Variants in DYTN observed in about 807,000 individuals in gnomAD.
The protein encoded by DYTN is dystrotelin.
DYTN carries 75 observed loss-of-function variants against 69.6 expected under a neutral mutation model. The observed-to-expected ratio is 1.08, with a 90% CI of 0.89 to 1.31. The LOEUF (loss-of-function observed/expected upper bound fraction) is 1.31. Ranked by LOEUF, DYTN falls within the 50% of genes most tolerant of loss-of-function variation. The probability of loss-of-function intolerance (pLI) is 0.00; values close to 1 mark genes in which losing one functional copy is unlikely to be tolerated. For missense variants in DYTN, 726 were observed against 688.4 expected, an observed-to-expected ratio of 1.05 and a Z score of -0.61; for synonymous variants, 252 against 249.1, an observed-to-expected ratio of 1.01 and a Z score of -0.11.
Position 206,715,123 on chromosome 2 carries a change from G to A in DYTN, c.19+3138C>T, listed in dbSNP as rs1357874621. On this transcript the variant is annotated intron_variant, in intron 1 of 11. Coordinates refer to ENST00000452335, the MANE Select transcript of DYTN (RefSeq NM_001093730.1). ...GAGCTGCTCACTGTGGCTGGAATGGGAGGTCAGGAATGAGGTAGAAACAGG... is the reference window on the plus strand; with the variant it reads ...GAGCTGCTCACTGTGGCTGGAATGGAAGGTCAGGAATGAGGTAGAAACAGG... Among the ~76,000 whole-genome samples the A allele has an allele frequency of 3.9e-5, 6 of 152,280 alleles. No homozygotes were observed. The East Asian group carries it at 9.6e-4, about 24-fold the overall frequency.
At chr2:206,672,615 C>T (rs1699641619) in intron 9 of DYTN, among the ~76,000 whole-genome samples, 1 of 152,188 alleles carries the variant, frequency 6.6e-6, no homozygotes, top group African/African-American at 2.4e-5. Context: ...GGCCACTTGT[C>T]ACTGGATGGT....
chr2:206,707,228 A>C lies in DYTN; in HGVS notation c.296+74T>G, dbSNP rs1037696928. 10 of 1,525,268 alleles carry C rather than the reference A, an allele frequency of 6.6e-6. No individual in the cohort carries two copies. The Admixed American group carries it at 1.6e-4, about 24-fold the overall frequency. 94.5% of individuals were successfully genotyped at this position (1,525,268 alleles called of 1,614,324 possible). On this transcript the variant is annotated intron_variant, in intron 3 of 11. Transcript: ENST00000452335. ...ACCAAACCTCAAGCAAATATTAGCC[A>C]GCACCAAATGGTAAATGACCACTGG... is the stretch of plus-strand genomic sequence containing the variant.
chr2:206,687,528 C>T lies in DYTN; in HGVS notation c.980+5647G>A, dbSNP rs16838568. On this transcript the variant is annotated intron_variant, in intron 9 of 11. Coordinates refer to ENST00000452335, the MANE Select transcript of DYTN (RefSeq NM_001093730.1). Reference sequence around the variant, plus strand: ...TTGTTTATACTATCATTTACCATAACAAAATGTTTAAAATTACATGCTATC... The same window carrying T: ...TTGTTTATACTATCATTTACCATAATAAAATGTTTAAAATTACATGCTATC... 5.3e-5 allele frequency among the ~76,000 whole-genome samples: 8 copies of T among 152,176 alleles called. No homozygotes were observed. The East Asian group carries it at 1.5e-3, about 29-fold the overall frequency.
At chr2:206,713,315 T>C (rs1367471992) in intron 1 of DYTN, among the ~76,000 whole-genome samples, 1 of 152,222 alleles carries the variant, frequency 6.6e-6, no homozygotes, top group Non-Finnish European at 1.5e-5. Flanking sequence ...ATAGTCACCA[T>C]GCTGTACAGT....
At chr2:206,689,975 T>G (rs1172936185) in intron 9 of DYTN, among the ~76,000 whole-genome samples, 1 of 152,196 alleles carries the variant, frequency 6.6e-6, no homozygotes, top group Non-Finnish European at 1.5e-5. Flanking sequence ...CAATGGACAT[T>G]CCTCCCCTCA....
At chr2:206,662,171 C>G (rs1699519166) in intron 11 of DYTN, among the ~76,000 whole-genome samples, 1 of 152,108 alleles carries the variant, frequency 6.6e-6, no homozygotes, top group African/African-American at 2.4e-5. Flanking sequence ...GATGATTTTG[C>G]CCAATTATAG....
chr2:206,693,903 G>C (rs1398217736), intron 8 of DYTN, among the ~76,000 whole-genome samples: 1 of 152,204 alleles, frequency 6.6e-6, no homozygotes, highest in Non-Finnish European at 1.5e-5. Context: ...TTAGCACTAG[G>C]AAGGTAGATC....
chr2:206,670,833 C>T (rs1699622564), intron 9 of DYTN, among the ~76,000 whole-genome samples: 1 of 152,040 alleles, frequency 6.6e-6, no homozygotes, highest in African/African-American at 2.4e-5. Context: ...AAGTTGCTAC[C>T]CTGAATGTCT....
intron 5 of DYTN, among the ~76,000 whole-genome samples, chr2:206,700,595 T>C (rs1273801506): frequency 7.4e-6 from 1 of 135,958 alleles, no homozygotes; most frequent in African/African-American, 2.5e-5. Flanking sequence ...TTTTAAAATA[T>C]ATATACTTTT....
At chr2:206,693,505 A>C (rs1229819056) in intron 8 of DYTN, among the ~76,000 whole-genome samples, 182 bp from the exon 9 acceptor site, 1 of 152,142 alleles carries the variant, frequency 6.6e-6, no homozygotes, top group Non-Finnish European at 1.5e-5. Flanking sequence ...AAATAGCATA[A>C]GTCTCCAAAT....
chr2:206,702,954 G>A (rs753421617), intron 5 of DYTN, among the ~76,000 whole-genome samples: 1 of 152,082 alleles, frequency 6.6e-6, no homozygotes, highest in Non-Finnish European at 1.5e-5. Flanking sequence ...TGATGTTTAG[G>A]GGGGGATTTG....
At chr2:206,670,890 C>T (rs546234715) in intron 9 of DYTN, among the ~76,000 whole-genome samples, 1 of 152,150 alleles carries the variant, frequency 6.6e-6, no homozygotes, top group Non-Finnish European at 1.5e-5. Context: ...ACTTTCTTTC[C>T]CTTGGCTTAG....
At chr2:206,672,253 G>A (rs1018308076) in intron 9 of DYTN, among the ~76,000 whole-genome samples, 2 of 151,020 alleles carry the variant, frequency 1.3e-5, no homozygotes, top group Non-Finnish European at 2.9e-5. Context: ...ATAAAAATAT[G>A]TTATATACCT....
At chr2:206,714,009 T>C (rs932310865) in intron 1 of DYTN, among the ~76,000 whole-genome samples, 1 of 152,184 alleles carries the variant, frequency 6.6e-6, no homozygotes, top group Non-Finnish European at 1.5e-5. Context: ...AGGAACTGCT[T>C]GGTGTACTTC....
chr2:206,673,411 C>T (rs992315945), intron 9 of DYTN, among the ~76,000 whole-genome samples: 5 of 152,144 alleles, frequency 3.3e-5, no homozygotes, highest in Admixed American at 3.3e-4. Flanking sequence ...GCACGCACCA[C>T]CACACCCAGC....
At chr2:206,699,617 T>A in intron 7 of DYTN, 110 bp downstream of exon 7, 1 of 1,339,604 alleles carries the variant, frequency 7.5e-7, no homozygotes, top group Non-Finnish European at 9.8e-7. Flanking sequence ...AAAAGTCAAC[T>A]GAATTTCAGA....
intron 9 of DYTN, among the ~76,000 whole-genome samples, chr2:206,668,205 G>A (rs374124544): frequency 8.5e-5 from 13 of 152,292 alleles, no homozygotes; most frequent in East Asian, 5.8e-4. Flanking sequence ...GACCACTAAC[G>A]ATGTCAGGCT....
At chr2:206,655,581 A>C (rs113440523) in intron 11 of DYTN, among the ~76,000 whole-genome samples, 1 of 148,434 alleles carries the variant, frequency 6.7e-6, no homozygotes, top group African/African-American at 2.5e-5. Flanking sequence ...AGCTAATTAA[A>C]AAAAAATTTT....
chr2:206,705,710 T>C (rs2105900979), intron 4 of DYTN, 78 bp downstream of exon 4: 4 of 1,301,528 alleles, frequency 3.1e-6, no homozygotes, highest in East Asian at 4.8e-5. Context: ...AGAGGCCTTG[T>C]GGCAGGGATA....
Sources: gnomAD v4.1 joint callset for allele counts (sites outside exome capture counted in the v4.1 genomes callset) on GRCh38, gnomAD v4.1.1 for gene constraint, MANE v1.5 for transcripts, NCBI Gene and HGNC (gene_info 2026-07-23, HGNC 2026-07-21) for gene names.